OSBPL11: variants seen among roughly 807,000 people sequenced by gnomAD.
OSBPL11 encodes the protein oxysterol-binding protein-related protein 11.
Under a neutral mutation model 84.4 loss-of-function variants are expected in OSBPL11, and 33 were observed. The ratio of observed to expected loss-of-function variants is 0.39; its 90% CI spans 0.30 to 0.52. The LOEUF is 0.52. Ranked by LOEUF, OSBPL11 falls within the 20% of genes least tolerant of loss-of-function variation. OSBPL11 has a pLI of 0.72. For missense variants in OSBPL11, 736 were observed against 901.1 expected (o/e 0.82, Z 2.35); for synonymous variants, 276 against 310.2 (o/e 0.89, Z 1.16).
chr3:125,564,779 C>T (rs1312649613), intron 6 of OSBPL11, among the ~76,000 whole-genome samples: 4 of 151,916 alleles, frequency 2.6e-5, no homozygotes, highest in African/African-American at 4.8e-5. Flanking sequence ...CTCAGCCTCC[C>T]GGGTAGCTGG....
rs370974764 is a variant in OSBPL11, at chr3:125,587,264, T to C, written c.165-4286A>G. 1.4e-3 allele frequency among the ~76,000 whole-genome samples: 218 copies of C among 152,288 alleles called. 2 individuals carry two copies. Among genetic ancestry groups the C allele is most frequent in the African/African-American group, 5.0e-3 (207 of 41,564 alleles). ...GAAAGGACAAGAGCAACACTCAGATTTCCAGCTGGAACAACTGGGTGGATA... is the reference window on the plus strand; with the variant it reads ...GAAAGGACAAGAGCAACACTCAGATCTCCAGCTGGAACAACTGGGTGGATA... On this transcript the variant is annotated intron_variant, in intron 1 of 12. Transcript: ENST00000296220.
chr3:125,560,625 G>A, intron 7 of OSBPL11, 106 bp from the exon 8 acceptor site: 1 of 1,061,996 alleles, frequency 9.4e-7, no homozygotes, highest in Non-Finnish European at 1.3e-6. Context: ...TTTGACCTAA[G>A]TGAATCTGAG....
At chr3:125,540,831 A>C (rs1031441743) in intron 10 of OSBPL11, among the ~76,000 whole-genome samples, 8 of 152,192 alleles carry the variant, frequency 5.3e-5, no homozygotes, top group African/African-American at 1.9e-4. Flanking sequence ...AACAGCACGA[A>C]GAGAAGTGGG....
At chr3:125,571,080 C>T (rs191364828) in intron 5 of OSBPL11, among the ~76,000 whole-genome samples, 1 of 152,238 alleles carries the variant, frequency 6.6e-6, no homozygotes, top group African/African-American at 2.4e-5. Context: ...ACAATAGTGT[C>T]CAGGCTGAGG....
chr3:125,587,374 A>C (rs939994994), intron 1 of OSBPL11, among the ~76,000 whole-genome samples: 3 of 152,228 alleles, frequency 2.0e-5, no homozygotes, highest in Non-Finnish European at 4.4e-5. Context: ...AACCTGCAGG[A>C]CTATACAGGG....
At chr3:125,592,575 T>A (rs1936614159) in intron 1 of OSBPL11, among the ~76,000 whole-genome samples, 1 of 152,158 alleles carries the variant, frequency 6.6e-6, no homozygotes, top group Non-Finnish European at 1.5e-5. Flanking sequence ...GGAATTATAG[T>A]CAAGAAATCA....
intron 1 of OSBPL11, among the ~76,000 whole-genome samples, chr3:125,592,815 G>T (rs1163804490): frequency 1.3e-5 from 2 of 151,628 alleles, no homozygotes; most frequent in East Asian, 3.9e-4. Context: ...CACATATGTA[G>T]ATGTTTCACA....
At chr3:125,576,446 AT>A in intron 4 of OSBPL11, 81 bp from the exon 5 acceptor site, 1 of 1,078,074 alleles carries the variant, frequency 9.3e-7, no homozygotes. Flanking sequence ...TACACTTAAG[AT>A]TTACACATGA....
intron 1 of OSBPL11, among the ~76,000 whole-genome samples, chr3:125,584,856 T>C (rs1048702058): frequency 2.0e-5 from 3 of 152,204 alleles, no homozygotes; most frequent in East Asian, 1.9e-4. Flanking sequence ...TAATTATCTA[T>C]ATCACTCATT....
At chr3:125,555,065 C>T (rs1935971697) in intron 8 of OSBPL11, among the ~76,000 whole-genome samples, 2 of 152,144 alleles carry the variant, frequency 1.3e-5, no homozygotes, top group African/African-American at 4.8e-5. Context: ...GCAGACCTAC[C>T]CTCAATCTGT....
In OSBPL11 at chr3:125,552,339, C is replaced by CA; in HGVS notation, c.1495dup (p.Cys499LeufsTer9). The CA allele has an allele frequency of 6.2e-7, 1 of 1,614,072 alleles. No homozygotes were observed. Among genetic ancestry groups the CA allele is most frequent in the Non-Finnish European group, 8.5e-7 (1 of 1,180,026 alleles). The stretch of plus-strand genomic sequence containing the variant: ...CTCAGCAACAAATCTGACTGTGTAA[C>CA]AGTCTGATCCCACCTGGGTCAAAGA... On this transcript the variant is annotated frameshift_variant, in exon 9 of 13. Transcript: ENST00000296220. LOFTEE classifies it high-confidence loss of function.
At chr3:125,592,748 G>T (rs543384439) in intron 1 of OSBPL11, among the ~76,000 whole-genome samples, 22 of 151,446 alleles carry the variant, frequency 1.5e-4, no homozygotes, top group Non-Finnish European at 2.9e-4. Context: ...TTTAATAAGA[G>T]ATATCAAGCA....
chr3:125,556,058 T>C (rs1027865036), intron 8 of OSBPL11, among the ~76,000 whole-genome samples: 3 of 152,198 alleles, frequency 2.0e-5, no homozygotes, highest in African/African-American at 7.2e-5. Context: ...CATTTTCACA[T>C]TCGCTTCTTA....
chr3:125,563,078 G>A lies in OSBPL11; in HGVS notation c.1014+620C>T, dbSNP rs566944381. 1.4e-4 allele frequency among the ~76,000 whole-genome samples: 21 copies of A among 151,928 alleles called. No homozygotes were observed. In the South Asian group the frequency reaches 4.4e-3, roughly 32 times the overall value. ...AATTATACAGACCAGTACAACATAG[G>A]AAAATGCTTATCAAGTAAAAATAGC... On this transcript the variant is annotated intron_variant, in intron 7 of 12. Transcript: ENST00000296220.
At position 125,529,648 on chromosome 3, in the gene OSBPL11, AG is replaced by A. The variant is rs1354826710; in HGVS notation, c.*866del. The A allele has an allele frequency of 6.6e-6, 1 of 152,634 alleles. No homozygotes were observed. Among genetic ancestry groups the A allele is most frequent in the Middle Eastern group, 3.2e-3 (1 of 316 alleles). The allele number at this position is 152,634 out of a possible 1,614,324, so 9.5% of individuals were successfully genotyped here. ...GAAAAGAAAGAAGGAAAAAAGTAAC[AG>A]TTTTATTTTTTAATATTTGCTATTT... On this transcript the variant is annotated 3_prime_UTR_variant, in exon 13 of 13. Transcript: ENST00000296220.
intron 4 of OSBPL11, among the ~76,000 whole-genome samples, chr3:125,577,415 A>C (rs944034794): frequency 6.6e-6 from 1 of 152,230 alleles, no homozygotes; most frequent in African/African-American, 2.4e-5. Context: ...GGTGCTCAAC[A>C]TGATTAGTCA....
chr3:125,558,028 A>C (rs1936018194), intron 8 of OSBPL11, among the ~76,000 whole-genome samples: 1 of 152,140 alleles, frequency 6.6e-6, no homozygotes, highest in African/African-American at 2.4e-5. Context: ...TCTTGAGCTC[A>C]TGTAATCCAC....
intron 8 of OSBPL11, among the ~76,000 whole-genome samples, chr3:125,555,994 A>G (rs1369926377): frequency 6.6e-6 from 1 of 152,186 alleles, no homozygotes; most frequent in African/African-American, 2.4e-5. Context: ...CAAGTAACAA[A>G]TTCTATCTAA....
chr3:125,550,443 G>A (rs1935887589), intron 9 of OSBPL11, among the ~76,000 whole-genome samples: 1 of 147,874 alleles, frequency 6.8e-6, no homozygotes, highest in Non-Finnish European at 1.5e-5. Flanking sequence ...ACTTTCTAAT[G>A]TTATAAAAGT....
Sources: allele counts gnomAD v4.1 joint callset (sites outside exome capture counted in the v4.1 genomes callset), GRCh38; gene constraint gnomAD v4.1.1; transcripts MANE v1.5; gene names NCBI Gene and HGNC (gene_info 2026-07-23, HGNC 2026-07-21).